BET1: variants seen among roughly 807,000 people sequenced by gnomAD.
The protein encoded by BET1 is Bet1 golgi vesicular membrane trafficking protein.
A neutral mutation model predicts 13.9 loss-of-function variants in BET1; 9 were observed. The ratio of observed to expected loss-of-function variants is 0.65; its 90% CI spans 0.39 to 1.13. The LOEUF (loss-of-function observed/expected upper bound fraction) is 1.13. Ranked by LOEUF, BET1 falls within the 50% of genes most tolerant of loss-of-function variation. BET1 has a pLI of 0.01. For synonymous variants in BET1, 39 were observed against 47.3 expected, an observed-to-expected ratio of 0.82 and a Z score of 0.72; for missense variants, 127 against 133.6, an observed-to-expected ratio of 0.95 and a Z score of 0.24.
At chr7:93,992,179 T>C, downstream of BET1, 1 of 985,404 alleles carries the variant, frequency 1.0e-6, no homozygotes, top group Non-Finnish European at 1.2e-6. Flanking sequence ...AGAGACCTAC[T>C]TTAAATAGTA....
exon 7 of BET1, chr7:93,964,969 CTGAG>C (rs1795150812): frequency 6.6e-6 from 1 of 152,098 alleles, no homozygotes. Context: ...AATCCCATTA[CTGAG>C]TATCTATCCA....
At chr7:93,980,082 A>G (rs1214188311) in intron 4 of BET1, among the ~76,000 whole-genome samples, 1 of 152,198 alleles carries the variant, frequency 6.6e-6, no homozygotes, top group Non-Finnish European at 1.5e-5. Flanking sequence ...CTGAATCATG[A>G]AGAAATGGAA....
chr7:93,972,871 C>G (rs1224377631), intron 5 of BET1, among the ~76,000 whole-genome samples: 1 of 150,888 alleles, frequency 6.6e-6, no homozygotes, highest in East Asian at 1.9e-4. Flanking sequence ...TATCATCTGC[C>G]CTTCACAATT....
chr7:93,983,957 A>G lies in BET1; in HGVS notation c.236-7857T>C, dbSNP rs1312032308. 2.0e-5 allele frequency among the ~76,000 whole-genome samples: 3 copies of G among 152,106 alleles called. No homozygotes were observed. In the South Asian group the frequency reaches 6.2e-4, roughly 32 times the overall value. On this transcript the variant is annotated intron_variant and NMD_transcript_variant, in intron 4 of 6. Transcript: ENST00000357520. ...CTCCTAGGCAACCCATGATGCTGCA[A>G]TGACTGATGTCTTAGTTTCCTAGGG...
At chr7:93,988,818 T>C (rs1260892337), downstream of BET1, among the ~76,000 whole-genome samples, 1 of 151,610 alleles carries the variant, frequency 6.6e-6, no homozygotes, top group Non-Finnish European at 1.5e-5. Flanking sequence ...CTGTCTCTCC[T>C]TCCTTCCTTT....
chr7:93,994,962 G>C (rs1190188527), intron 3 of BET1, among the ~76,000 whole-genome samples: 1 of 152,194 alleles, frequency 6.6e-6, no homozygotes, highest in Non-Finnish European at 1.5e-5. Context: ...TCCTGCCTCA[G>C]CCTCCCAAGT....
chr7:93,999,327 G>C, intron 1 of BET1, 33 bp from the exon 2 acceptor site: 1 of 1,570,136 alleles, frequency 6.4e-7, no homozygotes, highest in Non-Finnish European at 8.6e-7. Context: ...GGTGGTTCTA[G>C]AGAAGCCACT....
rs192411599 is a variant in BET1 at position 93,987,112 on chromosome 7, T to C, written c.235+7240A>G. ...ATAGAAAAAAAAAAAAGGGTTTTTT[T>C]GTTTTTGTTTTTTGTTTTTTTAATC... On this transcript the variant is annotated intron_variant and NMD_transcript_variant, in intron 4 of 6. Coordinates refer to the BET1 transcript ENST00000357520. 7.9e-5 allele frequency: 12 copies of C among 152,206 alleles called. No homozygotes were observed. The East Asian group carries it at 2.3e-3, about 29-fold the overall frequency. 9.4% of individuals were successfully genotyped at this position (152,206 alleles called of 1,614,324 possible).
At chr7:93,976,344 T>TTG (rs57913446) in intron 4 of BET1, among the ~76,000 whole-genome samples, 8,807 of 148,890 alleles carry the variant, frequency 0.059, 334 homozygotes, top group African/African-American at 0.096. Context: ...TATCTACTTA[T>TTG]TGTGTGTGTG....
At chr7:93,974,585 G>A (rs543632005) in intron 5 of BET1, among the ~76,000 whole-genome samples, 2 of 152,056 alleles carry the variant, frequency 1.3e-5, no homozygotes, top group South Asian at 2.1e-4. Context: ...ATAATCCATA[G>A]AATAAAGTAA....
chr7:93,974,316 G>A (rs577203329), intron 5 of BET1, among the ~76,000 whole-genome samples: 2 of 152,076 alleles, frequency 1.3e-5, no homozygotes, highest in African/African-American at 4.8e-5. Flanking sequence ...TCTGTTAGTA[G>A]TAAGCACACC....
chr7:93,964,457 A>G (rs1399961074), exon 7 of BET1: 3 of 152,066 alleles, frequency 2.0e-5, no homozygotes, highest in Admixed American at 6.6e-5. Flanking sequence ...ATTCTTTTTT[A>G]TGGCTATGTG....
chr7:93,988,297 T>C (rs1795565500), downstream of BET1, among the ~76,000 whole-genome samples: 1 of 152,206 alleles, frequency 6.6e-6, no homozygotes, highest in Admixed American at 6.5e-5. Flanking sequence ...AATTCATATC[T>C]CTAAAAGAAT....
chr7:93,987,149 G>A (rs1238634077), intron 4 of BET1: 6 of 151,890 alleles, frequency 4.0e-5, no homozygotes, highest in Non-Finnish European at 8.8e-5. Context: ...AGGCTTTCAG[G>A]AATGAAATGC....
chr7:93,975,677 A>C (rs1006029151), intron 5 of BET1, among the ~76,000 whole-genome samples: 1 of 152,092 alleles, frequency 6.6e-6, no homozygotes, highest in Non-Finnish European at 1.5e-5. Flanking sequence ...TTAAATTGTC[A>C]TTAAGTCATC....
In BET1 at chr7:93,999,264, T is replaced by G; in HGVS notation, c.50A>C (p.Asn17Thr). Residue 17 changes from asparagine (N) to threonine (T), a missense_variant, in exon 2 of 4, where the codon AAC becomes ACC. Asn to Thr is a moderately conservative substitution (Grantham distance 65). Transcript: ENST00000222547. ...ATACCCACTATTAGCATAGCCATAG[T>G]TCCCATAGTTGCCAGGAGGTACTCC... The part of the protein sequence containing the change: ...GEGVPPGNYG[N>T]YGYANSGYSA... 6.2e-7 allele frequency: 1 copy of G among 1,612,786 alleles called. No individual in the cohort carries two copies. The highest frequency in any genetic ancestry group is 1.1e-5 in the South Asian group (1 of 90,744).
chr7:93,998,059 C>G (rs766350882), intron 2 of BET1, among the ~76,000 whole-genome samples: 1 of 151,956 alleles, frequency 6.6e-6, no homozygotes, highest in Non-Finnish European at 1.5e-5. Flanking sequence ...GAAGTGGAGG[C>G]TTAAGGCAAA....
downstream of BET1, among the ~76,000 whole-genome samples, chr7:93,989,990 T>C (rs1484562782): frequency 6.6e-6 from 1 of 152,264 alleles, no homozygotes; most frequent in East Asian, 1.9e-4. Context: ...ATGGATATCT[T>C]TAATAGACAT....
In BET1 at chr7:94,000,972, T is replaced by C. The variant is rs573750501; in HGVS notation, c.20-1678A>G. 2.2e-4 allele frequency among the ~76,000 whole-genome samples: 34 copies of C among 152,214 alleles called. 1 individual carries two copies. In the South Asian group the frequency reaches 6.8e-3, roughly 31 times the overall value. The stretch of plus-strand genomic sequence containing the variant: ...GGGCAACACAGCAAGACCTCATCTA[T>C]TAAAAACAAACAAAACTAGAAGTCT... On this transcript the variant is annotated intron_variant, in intron 1 of 3. Transcript: ENST00000222547.
Sources: allele counts gnomAD v4.1 joint callset (sites outside exome capture counted in the v4.1 genomes callset), GRCh38; gene constraint gnomAD v4.1.1; transcripts MANE v1.5; gene names NCBI Gene and HGNC (gene_info 2026-07-23, HGNC 2026-07-21).